Variants in NRG3 observed in about 807,000 individuals in gnomAD.
The protein encoded by NRG3 is neuregulin 3, also known as pro-neuregulin-3, membrane-bound isoform.
NRG3 carries 31 observed loss-of-function variants against 66.9 expected under a neutral mutation model. The ratio of observed to expected loss-of-function variants is 0.46; its 90% CI spans 0.35 to 0.63. NRG3 has a LOEUF of 0.63. Among genes scored for constraint, NRG3 ranks in the 20% least tolerant of loss-of-function variants. The probability of loss-of-function intolerance (pLI) is 0.00; values close to 1 mark genes in which losing one functional copy is unlikely to be tolerated. For synonymous variants in NRG3, 393 were observed against 359.4 expected (o/e 1.09, Z -1.06); for missense variants, 910 against 878.9 (o/e 1.04, Z -0.45).
chr10:82,377,779 T>C (rs2085347707), intron 2 of NRG3, among the ~76,000 whole-genome samples: 1 of 152,202 alleles, frequency 6.6e-6, no homozygotes, highest in Non-Finnish European at 1.5e-5. Context: ...GCTTCCCTGC[T>C]TTGGGCTTTT....
At chr10:82,452,688 A>C (rs1206367172) in intron 2 of NRG3, among the ~76,000 whole-genome samples, 1 of 151,948 alleles carries the variant, frequency 6.6e-6, no homozygotes, top group South Asian at 2.1e-4. Flanking sequence ...TCTTGCCACA[A>C]TTGGAGTTCT....
intron 2 of NRG3, among the ~76,000 whole-genome samples, chr10:82,676,660 T>G (rs1402579288): frequency 6.6e-6 from 1 of 152,016 alleles, no homozygotes; most frequent in Non-Finnish European, 1.5e-5. Context: ...ATTTTTGTAT[T>G]TTTAGTAGAG....
chr10:82,426,756 C>T (rs987112019), intron 2 of NRG3, among the ~76,000 whole-genome samples: 8 of 151,790 alleles, frequency 5.3e-5, no homozygotes, highest in African/African-American at 1.9e-4. Context: ...GCCTCAGCCT[C>T]CTGAATAGCT....
Position 82,035,455 on chromosome 10 carries a change from G to A in NRG3, c.823+159292G>A, listed in dbSNP as rs948440082. Among the ~76,000 whole-genome samples the A allele has an allele frequency of 2.6e-5, 4 of 152,040 alleles. No homozygotes were observed. In the South Asian group the frequency reaches 6.2e-4, roughly 24 times the overall value. On this transcript the variant is annotated intron_variant, in intron 1 of 8. Transcript: ENST00000372141. ...TTTCTTTAATGAAAGTAGAAAATTT[G>A]TATCCTCATTGCTTATTTTTAGCAC...
At chr10:82,473,133 T>A (rs1467326928) in intron 2 of NRG3, among the ~76,000 whole-genome samples, 2 of 152,216 alleles carry the variant, frequency 1.3e-5, no homozygotes, top group Non-Finnish European at 2.9e-5. Flanking sequence ...GATTGTACAG[T>A]CATGGTGCTA....
chr10:82,591,582 A>T (rs954900777), intron 2 of NRG3, among the ~76,000 whole-genome samples: 7 of 152,170 alleles, frequency 4.6e-5, no homozygotes, highest in Non-Finnish European at 7.3e-5. Context: ...AATAGTATTG[A>T]CTTTCTTTGA....
At chr10:81,879,676 A>C (rs958512676) in intron 1 of NRG3, among the ~76,000 whole-genome samples, 4 of 152,238 alleles carry the variant, frequency 2.6e-5, no homozygotes, top group Non-Finnish European at 5.9e-5. Flanking sequence ...TTTGATGTTT[A>C]AGCAAGGTAT....
intron 1 of NRG3, among the ~76,000 whole-genome samples, chr10:81,897,230 A>G (rs1486408927): frequency 6.6e-6 from 1 of 152,178 alleles, no homozygotes; most frequent in East Asian, 1.9e-4. Context: ...GAGGTAGAAA[A>G]GGTCAGGCAC....
At chr10:82,325,218 G>A (rs560136367) in intron 1 of NRG3, among the ~76,000 whole-genome samples, 14 of 151,146 alleles carry the variant, frequency 9.3e-5, no homozygotes, top group African/African-American at 2.2e-4. Context: ...TTTTCACACC[G>A]TTGCCCAGGC....
At position 82,349,573 on chromosome 10, in the gene NRG3, T is replaced by A. The variant is rs1219631286; in HGVS notation, c.824-9166T>A. Among the ~76,000 whole-genome samples the A allele has an allele frequency of 4.6e-5, 7 of 152,136 alleles. No homozygotes were observed. The South Asian group carries it at 1.2e-3, about 27-fold the overall frequency. On this transcript the variant is annotated intron_variant, in intron 1 of 8. Coordinates refer to ENST00000372141, the MANE Select transcript of NRG3 (RefSeq NM_001010848.4). ...GCCTACAGAGGCAGGCAGGCCTCCTTGAGCTGTGGTGGGCTCCACCCAGTT... is the reference window on the plus strand; with the variant it reads ...GCCTACAGAGGCAGGCAGGCCTCCTAGAGCTGTGGTGGGCTCCACCCAGTT...
At chr10:82,612,411 A>T (rs1489141432) in intron 2 of NRG3, among the ~76,000 whole-genome samples, 1 of 152,106 alleles carries the variant, frequency 6.6e-6, no homozygotes, top group Non-Finnish European at 1.5e-5. Context: ...ATCCAGTAAA[A>T]ATCAATGTGA....
At position 82,213,011 on chromosome 10, in the gene NRG3, C is replaced by G. The variant is rs189563131; in HGVS notation, c.824-145728C>G. On this transcript the variant is annotated intron_variant, in intron 1 of 8. Transcript: ENST00000372141. ...GTCTTTATTGCCCAGGCCCTACTTTCGGTTCCCAGGAACAAGAAAGTTTTG... is the reference window on the plus strand; with the variant it reads ...GTCTTTATTGCCCAGGCCCTACTTTGGGTTCCCAGGAACAAGAAAGTTTTG... 2.0e-3 allele frequency among the ~76,000 whole-genome samples: 303 copies of G among 152,260 alleles called. 2 individuals are homozygous for G. Among genetic ancestry groups the G allele is most frequent in the African/African-American group, 6.7e-3 (278 of 41,552 alleles).
intron 2 of NRG3, among the ~76,000 whole-genome samples, chr10:82,431,010 A>C (rs1287344309): frequency 6.6e-6 from 1 of 152,208 alleles, no homozygotes; most frequent in East Asian, 1.9e-4. Flanking sequence ...CTAGATCCCC[A>C]GGAATATGTT....
intron 2 of NRG3, among the ~76,000 whole-genome samples, chr10:82,595,994 T>G (rs2047252099): frequency 6.6e-6 from 1 of 152,176 alleles, no homozygotes; most frequent in Non-Finnish European, 1.5e-5. Context: ...GTTTCTGGCA[T>G]AGAAGGAAAT....
intron 1 of NRG3, among the ~76,000 whole-genome samples, chr10:82,157,852 C>T (rs1316816059): frequency 2.0e-5 from 3 of 151,674 alleles, no homozygotes; most frequent in African/African-American, 7.2e-5. Flanking sequence ...GAATATAGAT[C>T]TTCCAGCTTG....
intron 1 of NRG3, among the ~76,000 whole-genome samples, chr10:82,051,860 AC>A (rs2063608385): frequency 7.1e-6 from 1 of 141,084 alleles, no homozygotes; most frequent in East Asian, 2.0e-4. Context: ...CTAAGGTCAA[AC>A]TGAGCTCAAG....
In NRG3 at chr10:82,712,436, C is replaced by G. The variant is rs74990672; in HGVS notation, c.954-26141C>G. 6.7e-3 allele frequency among the ~76,000 whole-genome samples: 1,024 copies of G among 152,278 alleles called. 10 individuals carry two copies. The highest frequency in any genetic ancestry group is 0.024 in the African/African-American group (986 of 41,554). On this transcript the variant is annotated intron_variant, in intron 2 of 8. Coordinates refer to ENST00000372141, the MANE Select transcript of NRG3 (RefSeq NM_001010848.4). ...AATAGTTACATAGGGCTGTGAATCTCAAACCTTCGGGTGCATCAGAAACAC... is the reference window on the plus strand; with the variant it reads ...AATAGTTACATAGGGCTGTGAATCTGAAACCTTCGGGTGCATCAGAAACAC...
At chr10:82,190,909 A>G (rs1649943) in intron 1 of NRG3, among the ~76,000 whole-genome samples, 76,229 of 151,978 alleles carry the variant, frequency 0.5, 20,941 homozygotes, top group Middle Eastern at 0.66. Context: ...ACCCACAGAT[A>G]TAACTCTAGT....
At chr10:82,164,966 T>TGGC (rs940353070) in intron 1 of NRG3, among the ~76,000 whole-genome samples, 50 of 152,274 alleles carry the variant, frequency 3.3e-4, no homozygotes, top group Middle Eastern at 3.4e-3. Context: ...TAGAAAAGAC[T>TGGC]GGCACTCTAA....
Sources: allele counts gnomAD v4.1 joint callset (sites outside exome capture counted in the v4.1 genomes callset), GRCh38; gene constraint gnomAD v4.1.1; transcripts MANE v1.5; gene names NCBI Gene and HGNC (gene_info 2026-07-23, HGNC 2026-07-21).